The following NCKAP1L variants were observed in gnomAD, a reference collection of about 807,000 sequenced individuals.
NCKAP1L encodes nck-associated protein 1-like.
A neutral mutation model predicts 139.2 loss-of-function variants in NCKAP1L; 53 were observed. The observed-to-expected ratio is 0.38, with a 90% confidence interval of 0.31 to 0.48. The LOEUF (loss-of-function observed/expected upper bound fraction) is 0.48, where lower values mean the gene tolerates loss of function less well. Among genes scored for constraint, NCKAP1L ranks in the 20% least tolerant of loss-of-function variants. The pLI is 0.98. For synonymous variants in NCKAP1L, 468 were observed against 499.7 expected (o/e 0.94, Z 0.85); for missense variants, 1,151 against 1,381.9 (o/e 0.83, Z 2.65).
rs976556518 is a variant in NCKAP1L at position 54,544,473 on chromosome 12, C to T, written c.*1788C>T. On this transcript the variant is annotated 3_prime_UTR_variant, in exon 31 of 31. Transcript: ENST00000293373. ...CCACCTGCACTTGTAAGAAATCATA[C>T]AGAGAAATTCTATTTTCCTTTACAC... The T allele has an allele frequency of 6.6e-6, 1 of 152,140 alleles. No homozygotes were observed. Among genetic ancestry groups the T allele is most frequent in the Non-Finnish European group, 1.5e-5 (1 of 68,028 alleles). The allele number at this position is 152,140 out of a possible 1,614,324, so 9.4% of individuals were successfully genotyped here.
At chr12:54,523,327 T>C in intron 18 of NCKAP1L, 67 bp from the exon 19 acceptor site, 1 of 1,544,672 alleles carries the variant, frequency 6.5e-7, no homozygotes. Flanking sequence ...ACAACCTTTT[T>C]ATAACTGTCA....
chr12:54,508,539 A>G lies in NCKAP1L; in HGVS notation c.506+8A>G. ...GATGCTGCATGGGCATGGGTGAGTT[A>G]AGGCGAGAGTATTATATGAAGAGTC... On this transcript the variant is annotated splice_region_variant and intron_variant, in intron 5 of 30. Transcript: ENST00000293373. 2 of 1,613,964 alleles carry G rather than the reference A, an allele frequency of 1.2e-6. No homozygotes were observed. Among genetic ancestry groups the G allele is most frequent in the Non-Finnish European group, 1.7e-6 (2 of 1,179,854 alleles).
At position 54,546,612 on chromosome 12, in the gene NCKAP1L, A is replaced by G. The variant is rs1296366598; in HGVS notation, c.*3927A>G. The G allele has an allele frequency of 6.6e-6, 1 of 152,176 alleles. No individual in the cohort carries two copies. Among genetic ancestry groups the G allele is most frequent in the Non-Finnish European group, 1.5e-5 (1 of 68,070 alleles). The allele number at this position is 152,176 out of a possible 1,614,324, so 9.4% of individuals were successfully genotyped here. A position where few individuals can be genotyped will look rare whatever the true frequency, so the allele number is the denominator to read the frequency against. On this transcript the variant is annotated 3_prime_UTR_variant, in exon 31 of 31. Transcript: ENST00000293373. ...GCTGGCACATGGCTGAAATGCACTC[A>G]CGCGGTTGGGGGAAGAGTGTTCTTC...
chr12:54,547,826 G>A lies in NCKAP1L; in HGVS notation c.*5141G>A, dbSNP rs1957210950. ...AAATTTTCAGAAATGGACTGTGTAGGAGTGTGACTAGGGTCTCAGATGCAG... is the reference window on the plus strand; with the variant it reads ...AAATTTTCAGAAATGGACTGTGTAGAAGTGTGACTAGGGTCTCAGATGCAG... On this transcript the variant is annotated 3_prime_UTR_variant, in exon 31 of 31. Coordinates refer to ENST00000293373, the MANE Select transcript of NCKAP1L (RefSeq NM_005337.5). 1 of 152,194 alleles carries A rather than the reference G, an allele frequency of 6.6e-6. No individual in the cohort carries two copies. The highest frequency in any genetic ancestry group is 1.5e-5 in the Non-Finnish European group (1 of 68,046). 9.4% of individuals were successfully genotyped at this position (152,194 alleles called of 1,614,324 possible).
intron 24 of NCKAP1L, 79 bp downstream of exon 24, chr12:54,531,663 G>A (rs1957072753): frequency 6.3e-7 from 1 of 1,597,828 alleles, no homozygotes; most frequent in South Asian, 1.1e-5. Flanking sequence ...GAATCTGGAG[G>A]CTAGGCGGGG....
chr12:54,531,369 AC>A lies in NCKAP1L; in HGVS notation c.2604+13del, dbSNP rs781566913. On this transcript the variant is annotated intron_variant, in intron 23 of 30. Transcript: ENST00000293373. ...TTGTGGAGCTGAAGGTACTATGGAA[AC>A]AATCCCTTGGGGAAAAGATCCTACC... 6 of 1,613,752 alleles carry A rather than the reference AC, an allele frequency of 3.7e-6. No homozygotes were observed. In the African/African-American group the frequency reaches 8.0e-5, roughly 22 times the overall value.
At chr12:54,529,979 A>G (rs562807719) in intron 22 of NCKAP1L, among the ~76,000 whole-genome samples, 142 of 152,300 alleles carry the variant, frequency 9.3e-4, no homozygotes, top group Non-Finnish European at 1.8e-3. Context: ...GCATTATCCA[A>G]GTTGATCGGT....
intron 28 of NCKAP1L, chr12:54,536,631 A>G (rs370258745): frequency 4.6e-5 from 15 of 323,810 alleles, no homozygotes; most frequent in African/African-American, 2.8e-4. Context: ...GCACTCCAGC[A>G]TAGTGACAGA....
intron 9 of NCKAP1L, 140 bp downstream of exon 9, chr12:54,512,245 C>G (rs1207604160): frequency 2.4e-6 from 2 of 833,218 alleles, no homozygotes; most frequent in East Asian, 2.8e-5. Context: ...CATTAAATAC[C>G]TACTATTAGC....
At position 54,528,289 on chromosome 12, in the gene NCKAP1L, C is replaced by T. The variant is rs1241872002; in HGVS notation, c.2418C>T (p.Ile806=). 1 of 1,614,000 alleles carries T rather than the reference C, an allele frequency of 6.2e-7. No homozygotes were observed. The highest frequency in any genetic ancestry group is 8.5e-7 in the Non-Finnish European group (1 of 1,179,932). ...TTAGACAGGCAAGCAGTGGGACCAT[C>T]ATCCTCTCCCCAGCCATGCAGGCCT... ...SLLRQASSGT[I]ILSPAMQAFV... The change falls in exon 22 of 31, where the codon ATC becomes ATT. Residue 806 remains isoleucine (I), a synonymous_variant. Coordinates refer to ENST00000293373, the MANE Select transcript of NCKAP1L (RefSeq NM_005337.5).
intron 30 of NCKAP1L, among the ~76,000 whole-genome samples, chr12:54,541,828 A>G (rs1308629209): frequency 6.6e-6 from 1 of 152,090 alleles, no homozygotes; most frequent in Non-Finnish European, 1.5e-5. Context: ...CTCTTGGATA[A>G]GGAAGGCACT....
intron 9 of NCKAP1L, among the ~76,000 whole-genome samples, chr12:54,514,356 T>A (rs1956913719): frequency 6.6e-6 from 1 of 151,600 alleles, no homozygotes; most frequent in South Asian, 2.1e-4. Flanking sequence ...AGTTTTGCCC[T>A]TGTTGCCCAG....
chr12:54,505,836 A>T (rs2120883803), intron 3 of NCKAP1L, among the ~76,000 whole-genome samples: 1 of 152,004 alleles, frequency 6.6e-6, no homozygotes, highest in South Asian at 2.1e-4. Flanking sequence ...CTAATTTTGT[A>T]TTTTTAGTAG....
chr12:54,508,492 G>A lies in NCKAP1L; in HGVS notation c.467G>A (p.Gly156Asp), dbSNP rs544731981. The A allele has an allele frequency of 3.7e-6, 6 of 1,614,128 alleles. No individual in the cohort carries two copies. The highest frequency in any genetic ancestry group is 5.1e-6 in the Non-Finnish European group (6 of 1,180,000). ...ATTGAAGATCGGCGGATACTCATTGGCATGTACAATTGTGCCCATGAGATG... is the reference window on the plus strand; with the variant it reads ...ATTGAAGATCGGCGGATACTCATTGACATGTACAATTGTGCCCATGAGATG... Reference protein sequence around the residue: ...SRIEDRRILIGMYNCAHEMLH... With the variant: ...SRIEDRRILIDMYNCAHEMLH... Residue 156 changes from glycine to aspartate, a missense_variant, in exon 5 of 31, where the codon GGC becomes GAC. Coordinates refer to ENST00000293373, the MANE Select transcript of NCKAP1L (RefSeq NM_005337.5).
intron 3 of NCKAP1L, among the ~76,000 whole-genome samples, chr12:54,502,823 C>CAAAAAAA (rs780466592): frequency 1.2e-4 from 7 of 57,888 alleles, no homozygotes; most frequent in Non-Finnish European, 1.5e-4. Flanking sequence ...CCCATCTACA[C>CAAAAAAA]AAAAAAAAAA....
chr12:54,534,717 T>C (rs899045115), intron 26 of NCKAP1L, among the ~76,000 whole-genome samples: 2 of 152,178 alleles, frequency 1.3e-5, no homozygotes, highest in African/African-American at 4.8e-5. Flanking sequence ...AAAGGAAGTA[T>C]TTAGGAAAAT....
chr12:54,531,529 C>A lies in NCKAP1L; in HGVS notation c.2643C>A (p.Ile881=). The change falls in exon 24 of 31, where the codon ATC becomes ATA. Residue 881 remains isoleucine, a synonymous_variant. Transcript: ENST00000293373. ...AAAACATGGACATACTTGTTCAGATCAGATCCAACTTTAGCAAGCCGGACT... is the reference window on the plus strand; with the variant it reads ...AAAACATGGACATACTTGTTCAGATAAGATCCAACTTTAGCAAGCCGGACT... ...VVENMDILVQ[I]RSNFSKPDLM... 1.2e-6 allele frequency: 2 copies of A among 1,614,188 alleles called. No individual in the cohort carries two copies. Among genetic ancestry groups the A allele is most frequent in the Non-Finnish European group, 1.7e-6 (2 of 1,180,030 alleles).
At chr12:54,508,628 A>C in intron 5 of NCKAP1L, 97 bp downstream of exon 5, 1 of 1,274,004 alleles carries the variant, frequency 7.8e-7, no homozygotes, top group Non-Finnish European at 1.1e-6. Flanking sequence ...ATGATTTCTT[A>C]TATGAGAACC....
intron 20 of NCKAP1L, 25 bp from the exon 21 acceptor site, chr12:54,526,502 TA>T: frequency 4.5e-6 from 7 of 1,564,968 alleles, no homozygotes; most frequent in Middle Eastern, 1.7e-4. Context: ...ATTGTAATTC[TA>T]ATTTTTTTTT....
Sources: allele counts gnomAD v4.1 joint callset (sites outside exome capture counted in the v4.1 genomes callset), GRCh38; gene constraint gnomAD v4.1.1; transcripts MANE v1.5; gene names NCBI Gene and HGNC (gene_info 2026-07-23, HGNC 2026-07-21).